The following SLC22A23 variants were observed in gnomAD, a reference collection of about 807,000 sequenced individuals.
SLC22A23 encodes the protein solute carrier family 22 member 23, also known as ion transporter protein.
In SLC22A23, 26 loss-of-function variants were observed where a neutral mutation model predicts 61.0. That is an observed-to-expected ratio of 0.43 (90% CI 0.31 to 0.59). The LOEUF is 0.59. Among genes scored for constraint, SLC22A23 ranks in the 20% least tolerant of loss-of-function variants. The pLI is 0.11. For missense variants in SLC22A23, 796 were observed against 934.7 expected, an observed-to-expected ratio of 0.85 and a Z score of 1.94; for synonymous variants, 430 against 413.9, an observed-to-expected ratio of 1.04 and a Z score of -0.47.
chr6:3,366,257 C>T (rs576584738), intron 3 of SLC22A23, among the ~76,000 whole-genome samples: 15 of 136,468 alleles, frequency 1.1e-4, no homozygotes, highest in African/African-American at 3.4e-4. Context: ...TGCTTGAACC[C>T]GGGAGGTGGA....
intron 1 of SLC22A23, among the ~76,000 whole-genome samples, chr6:3,445,809 C>A (rs1771867039): frequency 6.6e-6 from 1 of 152,020 alleles, no homozygotes; most frequent in Non-Finnish European, 1.5e-5. Context: ...AAGATGCCCC[C>A]TACAACAAGG....
Position 3,386,715 on chromosome 6 carries a change from C to T in SLC22A23, c.913+23473G>A, listed in dbSNP as rs903138136. ...CTGCCGGGGACCTGCCCCAGGGTCACCCAGCGTGGGAGGGGTGGAGGCGGC... is the reference window on the plus strand; with the variant it reads ...CTGCCGGGGACCTGCCCCAGGGTCATCCAGCGTGGGAGGGGTGGAGGCGGC... On this transcript the variant is annotated intron_variant, in intron 3 of 9. Transcript: ENST00000406686. This position sits in a 1 kb window ranked among gnomAD's most constrained non-coding sequence, Gnocchi z 4.4. Among the ~76,000 whole-genome samples, 3 of 152,222 alleles carry T rather than the reference C, an allele frequency of 2.0e-5. No homozygotes were observed. The highest frequency in any genetic ancestry group is 4.4e-5 in the Non-Finnish European group (3 of 68,046).
chr6:3,399,927 G>A (rs1464780230), intron 3 of SLC22A23, among the ~76,000 whole-genome samples: 1 of 152,160 alleles, frequency 6.6e-6, no homozygotes, highest in African/African-American at 2.4e-5. Flanking sequence ...TGCCCAGGCT[G>A]GAGTGCAATG....
At chr6:3,310,657 T>C (rs968771782) in intron 4 of SLC22A23, among the ~76,000 whole-genome samples, 10 of 141,180 alleles carry the variant, frequency 7.1e-5, no homozygotes, top group Non-Finnish European at 1.5e-4. Flanking sequence ...CTCAATACTG[T>C]GAAACCCTAC....
At chr6:3,408,892 GCACTTGCACACATGTGGGC>G (rs1269961691) in intron 3 of SLC22A23, among the ~76,000 whole-genome samples, 3 of 152,224 alleles carry the variant, frequency 2.0e-5, no homozygotes, top group Non-Finnish European at 4.4e-5. Flanking sequence ...GGGTCCCGGC[GCACTTGCACACATGTGGGC>G]CAAGGGATTG....
chr6:3,369,162 G>A (rs573485761), intron 3 of SLC22A23, among the ~76,000 whole-genome samples: 2 of 151,948 alleles, frequency 1.3e-5, no homozygotes, highest in South Asian at 4.2e-4. Context: ...AAGATGTGGT[G>A]ACATTCCTGG....
Position 3,353,015 on chromosome 6 carries a change from T to C in SLC22A23, c.914-29013A>G, listed in dbSNP as rs947059490. On this transcript the variant is annotated intron_variant, in intron 3 of 9. Coordinates refer to ENST00000406686, the MANE Select transcript of SLC22A23 (RefSeq NM_015482.2). ...GTATGAAAATACTACAGTGATTATA[T>C]TCATTTTTTGCCTGAAATTTTAAGT... Among the ~76,000 whole-genome samples the C allele has an allele frequency of 3.9e-5, 6 of 152,206 alleles. No individual in the cohort carries two copies. In the East Asian group the frequency reaches 1.2e-3, roughly 29 times the overall value.
chr6:3,376,898 T>C (rs538082343), intron 3 of SLC22A23, among the ~76,000 whole-genome samples: 1 of 151,990 alleles, frequency 6.6e-6, no homozygotes, highest in South Asian at 2.1e-4. Context: ...GAGAAACAGA[T>C]AGAATGTGGC....
At chr6:3,314,369 T>C (rs1361459194) in intron 4 of SLC22A23, among the ~76,000 whole-genome samples, 3 of 152,132 alleles carry the variant, frequency 2.0e-5, no homozygotes, top group Admixed American at 6.5e-5. Flanking sequence ...TCCCTGTGGC[T>C]CTGGAGTCCA....
intron 1 of SLC22A23, among the ~76,000 whole-genome samples, chr6:3,440,094 G>C (rs1771492410): frequency 6.6e-6 from 1 of 152,068 alleles, no homozygotes; most frequent in Admixed American, 6.5e-5. Context: ...CAAAACACTG[G>C]GATTTAGGGA....
chr6:3,301,662 C>CG (rs1411022866), intron 4 of SLC22A23, among the ~76,000 whole-genome samples: 1 of 152,220 alleles, frequency 6.6e-6, no homozygotes, highest in Non-Finnish European at 1.5e-5. Context: ...CCTAGGGCCA[C>CG]GTACCCCAAG....
chr6:3,400,491 G>A (rs1768308492), intron 3 of SLC22A23, among the ~76,000 whole-genome samples: 2 of 152,192 alleles, frequency 1.3e-5, no homozygotes, highest in Admixed American at 1.3e-4. Flanking sequence ...TGGCCATCAC[G>A]TCACAAACAT....
intron 1 of SLC22A23, chr6:3,438,546 G>A (rs778543478): frequency 4.4e-6 from 2 of 456,576 alleles, no homozygotes; most frequent in Non-Finnish European, 8.8e-6. Flanking sequence ...GTTTCCTGCT[G>A]CTGACAACAC....
intron 3 of SLC22A23, among the ~76,000 whole-genome samples, chr6:3,381,815 GC>G (rs1452041722): frequency 1.3e-5 from 2 of 152,154 alleles, no homozygotes; most frequent in African/African-American, 4.8e-5. Flanking sequence ...GCCTCCCTCA[GC>G]CACGCTCCTT....
Position 3,309,794 on chromosome 6 carries a change from G to C in SLC22A23, c.1083-11576C>G, listed in dbSNP as rs1762244855. On this transcript the variant is annotated intron_variant, in intron 4 of 9. Transcript: ENST00000406686. The surrounding 1 kb of genome is among the most constrained non-coding windows in gnomAD (Gnocchi z 4.7). ...CAGGGACAGGCAACATTACAAAACGGAACTACAGTCAGAAGGGCATCTCCG... is the reference window on the plus strand; with the variant it reads ...CAGGGACAGGCAACATTACAAAACGCAACTACAGTCAGAAGGGCATCTCCG... Among the ~76,000 whole-genome samples the C allele has an allele frequency of 6.6e-6, 1 of 152,210 alleles. No individual in the cohort carries two copies.
At chr6:3,417,770 C>T (rs1214939992) in intron 1 of SLC22A23, among the ~76,000 whole-genome samples, 2 of 152,204 alleles carry the variant, frequency 1.3e-5, no homozygotes, top group African/African-American at 4.8e-5. Flanking sequence ...GGGGTTCAAA[C>T]AACTCCCAAG....
intron 3 of SLC22A23, among the ~76,000 whole-genome samples, chr6:3,371,148 C>T (rs554846167): frequency 6.6e-6 from 1 of 152,290 alleles, no homozygotes; most frequent in South Asian, 2.1e-4. Context: ...TGAGTGCCTA[C>T]CAAGTGTGGA....
intron 3 of SLC22A23, among the ~76,000 whole-genome samples, chr6:3,349,863 CG>C (rs1561915643): frequency 2.6e-5 from 4 of 152,200 alleles, no homozygotes; most frequent in Admixed American, 1.3e-4. Flanking sequence ...TTGCTCCCAT[CG>C]CTCTCTGATC....
At chr6:3,381,919 A>G (rs892363798) in intron 3 of SLC22A23, among the ~76,000 whole-genome samples, 4 of 152,066 alleles carry the variant, frequency 2.6e-5, no homozygotes, top group African/African-American at 9.7e-5. Context: ...TGAGAAGACT[A>G]TGAGTGACCC....
Sources: gnomAD v4.1 joint callset for allele counts (sites outside exome capture counted in the v4.1 genomes callset) on GRCh38, gnomAD v4.1.1 for gene constraint, Gnocchi (gnomAD v3.1) non-coding constraint, MANE v1.5 for transcripts, NCBI Gene and HGNC (gene_info 2026-07-23, HGNC 2026-07-21) for gene names.